Variants in MYBPC1 observed in about 807,000 individuals in gnomAD.
MYBPC1 encodes the protein myosin-binding protein C, slow-type.
MYBPC1 carries 52 observed loss-of-function variants against 147.1 expected under a neutral mutation model. That is an observed-to-expected ratio of 0.35 (90% confidence interval 0.28 to 0.45). The LOEUF (loss-of-function observed/expected upper bound fraction) is 0.45, where lower values mean the gene tolerates loss of function less well. Ranked by LOEUF, MYBPC1 falls within the 20% of genes least tolerant of loss-of-function variation. The probability of loss-of-function intolerance (pLI) is 1.00; values close to 1 mark genes in which losing one functional copy is unlikely to be tolerated. For synonymous variants in MYBPC1, 477 were observed against 475.9 expected, an observed-to-expected ratio of 1.00 and a Z score of -0.03; for missense variants, 1,228 against 1,440.3, an observed-to-expected ratio of 0.85 and a Z score of 2.39.
intron 5 of MYBPC1, among the ~76,000 whole-genome samples, chr12:101,628,631 C>T (rs995237503): frequency 3.3e-5 from 5 of 152,174 alleles, no homozygotes; most frequent in Non-Finnish European, 5.9e-5. Context: ...ACTCTGCATT[C>T]GGCTCAGAGA....
chr12:101,654,229 A>C (rs1282936239), intron 18 of MYBPC1, among the ~76,000 whole-genome samples: 1 of 152,144 alleles, frequency 6.6e-6, no homozygotes, highest in Non-Finnish European at 1.5e-5. Flanking sequence ...TTAATGTTAA[A>C]AATAAAATTA....
At chr12:101,629,613 C>T in intron 6 of MYBPC1, 69 bp downstream of exon 6, 1 of 1,126,104 alleles carries the variant, frequency 8.9e-7, no homozygotes, top group Admixed American at 1.9e-5. Context: ...TGCCTCACGC[C>T]TGTAATCCCA....
In MYBPC1 at chr12:101,678,270, T is replaced by G. The variant is rs183301547; in HGVS notation, c.3246+32T>G. 3.1e-6 allele frequency: 5 copies of G among 1,611,416 alleles called. No individual in the cohort carries two copies. The East Asian group carries it at 6.7e-5, about 22-fold the overall frequency. Reference sequence around the variant, plus strand: ...TGTTCTTCTATCACATCAGTTAAAGTCCCTGTCTTGTATTTGTTGTGTTAT... The same window carrying G: ...TGTTCTTCTATCACATCAGTTAAAGGCCCTGTCTTGTATTTGTTGTGTTAT... On this transcript the variant is annotated intron_variant, in intron 28 of 31. Coordinates refer to ENST00000361466, the MANE Select transcript of MYBPC1 (RefSeq NM_002465.4).
At chr12:101,601,153 A>T (rs1879759013) in intron 1 of MYBPC1, among the ~76,000 whole-genome samples, 5 of 152,232 alleles carry the variant, frequency 3.3e-5, no homozygotes, top group Admixed American at 3.3e-4. Context: ...CCAAACTGTG[A>T]AAAAGAAGAA....
the MYBPC1 span, among the ~76,000 whole-genome samples, chr12:101,691,879 G>T: frequency 6.6e-6 from 1 of 152,228 alleles, no homozygotes; most frequent in Admixed American, 6.5e-5. Context: ...GGGCAAGGAG[G>T]CTGATCAATA....
chr12:101,653,277 T>C (rs905904058), intron 18 of MYBPC1, 29 bp downstream of exon 18: 1 of 1,611,384 alleles, frequency 6.2e-7, no homozygotes, highest in Non-Finnish European at 8.5e-7. Flanking sequence ...CACACTCACA[T>C]GCACACACAC....
chr12:101,621,389 A>G (rs2135922494), intron 3 of MYBPC1, among the ~76,000 whole-genome samples: 1 of 152,358 alleles, frequency 6.6e-6, no homozygotes, highest in South Asian at 2.1e-4. Context: ...TATAAGCATC[A>G]AAGTGTGAAG....
intron 8 of MYBPC1, among the ~76,000 whole-genome samples, chr12:101,632,456 G>C (rs1264557344): frequency 6.6e-6 from 1 of 152,136 alleles, no homozygotes; most frequent in African/African-American, 2.4e-5. Flanking sequence ...TTCCCACTTA[G>C]GTTTGGGGAT....
chr12:101,611,178 T>C (rs1220552802), intron 1 of MYBPC1, among the ~76,000 whole-genome samples: 1 of 152,200 alleles, frequency 6.6e-6, no homozygotes, highest in Admixed American at 6.5e-5. Context: ...CCTGCAACCA[T>C]CCCACAACGG....
At chr12:101,609,891 A>G (rs1883638459) in intron 1 of MYBPC1, among the ~76,000 whole-genome samples, 1 of 152,200 alleles carries the variant, frequency 6.6e-6, no homozygotes. Context: ...TATGGTCCCT[A>G]TTCAGTGAGG....
intron 1 of MYBPC1, among the ~76,000 whole-genome samples, chr12:101,610,577 C>T (rs1251684487): frequency 6.6e-6 from 1 of 152,156 alleles, no homozygotes; most frequent in Non-Finnish European, 1.5e-5. Flanking sequence ...AAGTTAAAGT[C>T]TATGTGACAC....
Position 101,629,552 on chromosome 12 carries a change from C to T in MYBPC1, c.289+8C>T. The T allele has an allele frequency of 1.9e-6, 3 of 1,586,232 alleles. No individual in the cohort carries two copies. Among genetic ancestry groups the T allele is most frequent in the Non-Finnish European group, 2.6e-6 (3 of 1,155,072 alleles). ...GAGGAACAGTGAAAGTTGGTGAGTG[C>T]CTAGCATTCAATCCTTCCTTTTTTA... On this transcript the variant is annotated splice_region_variant and intron_variant, in intron 6 of 31. Coordinates refer to ENST00000361466, the MANE Select transcript of MYBPC1 (RefSeq NM_002465.4).
chr12:101,648,952 T>C (rs1893816440), intron 14 of MYBPC1, among the ~76,000 whole-genome samples: 1 of 152,226 alleles, frequency 6.6e-6, no homozygotes, highest in Admixed American at 6.5e-5. Context: ...TTAAATGATA[T>C]TCTTACTAAT....
the MYBPC1 span, among the ~76,000 whole-genome samples, chr12:101,695,036 G>A: frequency 6.6e-6 from 1 of 152,156 alleles, no homozygotes; most frequent in Non-Finnish European, 1.5e-5. Context: ...CAGAATTGTG[G>A]TGTCAGAGTA....
downstream of MYBPC1, among the ~76,000 whole-genome samples, chr12:101,689,566 G>A (rs1951389520): frequency 6.6e-6 from 1 of 151,784 alleles, no homozygotes; most frequent in African/African-American, 2.4e-5. Flanking sequence ...GAGTAGGAGA[G>A]GAAGCAAAGA....
At chr12:101,659,013 A>C (rs1018126181) in intron 18 of MYBPC1, among the ~76,000 whole-genome samples, 1 of 152,148 alleles carries the variant, frequency 6.6e-6, no homozygotes, top group Non-Finnish European at 1.5e-5. Flanking sequence ...TTTAAATTTC[A>C]GGTTTAAGAA....
chr12:101,661,896 C>CAAAAAAA (rs66873575), intron 20 of MYBPC1, among the ~76,000 whole-genome samples: 15 of 83,170 alleles, frequency 1.8e-4, no homozygotes, highest in East Asian at 1.7e-3. Context: ...GACTCTGTCT[C>CAAAAAAA]AAAAAAAAAA....
chr12:101,651,478 T>G, intron 16 of MYBPC1, 85 bp downstream of exon 16: 1 of 1,551,516 alleles, frequency 6.4e-7, no homozygotes, highest in Non-Finnish European at 8.9e-7. Context: ...GGTGAGGATA[T>G]TTGAAGGGTA....
At chr12:101,676,745 T>C (rs1900082231) in intron 26 of MYBPC1, among the ~76,000 whole-genome samples, 1 of 139,584 alleles carries the variant, frequency 7.2e-6, no homozygotes, top group Middle Eastern at 3.4e-3. Flanking sequence ...AGTGAGATCC[T>C]GTCTCAAAAA....
Sources: gnomAD v4.1 joint callset for allele counts (sites outside exome capture counted in the v4.1 genomes callset) on GRCh38, gnomAD v4.1.1 for gene constraint, MANE v1.5 for transcripts, NCBI Gene and HGNC (gene_info 2026-07-23, HGNC 2026-07-21) for gene names.